The following ZNF608 variants were observed in gnomAD, a reference collection of about 807,000 sequenced individuals.
ZNF608 encodes the protein renal carcinoma antigen NY-REN-36.
A neutral mutation model predicts 109.0 loss-of-function variants in ZNF608; 12 were observed. That is an observed-to-expected ratio of 0.11 (90% CI 0.07 to 0.18). The LOEUF (loss-of-function observed/expected upper bound fraction) is 0.18. ZNF608 is among the 10% of genes least tolerant of loss of function. ZNF608 has a pLI of 1.00. For missense variants in ZNF608, 1,707 were observed against 1,879.3 expected (o/e 0.91, Z 1.70); for synonymous variants, 732 against 717.4 (o/e 1.02, Z -0.33).
At chr5:124,683,014 GTC>G (rs70991636) in intron 3 of ZNF608, among the ~76,000 whole-genome samples, 56,755 of 148,586 alleles carry the variant, frequency 0.38, 11,347 homozygotes, top group African/African-American at 0.53. Context: ...TGGGTGCTCT[GTC>G]TCTCTCTCTC....
chr5:124,720,905 T>C lies in ZNF608; in HGVS notation c.907-19636A>G, dbSNP rs544408883. Among the ~76,000 whole-genome samples, 12 of 140,344 alleles carry C rather than the reference T, an allele frequency of 8.6e-5. No individual in the cohort carries two copies. In the South Asian group the frequency reaches 2.7e-3, roughly 31 times the overall value. 92.1% of individuals were successfully genotyped at this position (140,344 alleles called of 152,430 possible). Reference sequence around the variant, plus strand: ...CTTTCCCAAGGTCACACCTAAGCTATATGTTATAATAAACGCTTCTCTCTT... The same window carrying C: ...CTTTCCCAAGGTCACACCTAAGCTACATGTTATAATAAACGCTTCTCTCTT... On this transcript the variant is annotated intron_variant, in intron 2 of 9. Transcript: ENST00000513986.
rs368937234 is a variant in ZNF608, at chr5:124,717,057, G to A, written c.907-15788C>T. ...AGATGACACCATTGCACTCCAGTCT[G>A]GGCGACAACAGCAAAACTCCATCTC... On this transcript the variant is annotated intron_variant, in intron 2 of 9. Coordinates refer to ENST00000513986, the MANE Select transcript of ZNF608 (RefSeq NM_020747.3). 2.6e-5 allele frequency among the ~76,000 whole-genome samples: 4 copies of A among 152,196 alleles called. No homozygotes were observed. In the East Asian group the frequency reaches 7.7e-4, roughly 29 times the overall value.
At chr5:124,668,217 T>A (rs1202825300) in intron 3 of ZNF608, among the ~76,000 whole-genome samples, 117 of 120,240 alleles carry the variant, frequency 9.7e-4, no homozygotes, top group Middle Eastern at 4.3e-3. Context: ...TATATATATA[T>A]TATATATATA....
chr5:124,658,057 G>A (rs1287053549), intron 3 of ZNF608, among the ~76,000 whole-genome samples: 4 of 151,758 alleles, frequency 2.6e-5, no homozygotes, highest in Non-Finnish European at 2.9e-5. Context: ...TGTGTAGACC[G>A]TTCCTCTAGT....
At chr5:124,730,549 G>T (rs998878523) in intron 2 of ZNF608, among the ~76,000 whole-genome samples, 1 of 152,220 alleles carries the variant, frequency 6.6e-6, no homozygotes, top group African/African-American at 2.4e-5. Context: ...TTTATAGCAG[G>T]CTTACGGATG....
At chr5:124,651,014 A>G (rs995929016) in intron 3 of ZNF608, among the ~76,000 whole-genome samples, 6 of 152,248 alleles carry the variant, frequency 3.9e-5, no homozygotes, top group African/African-American at 1.4e-4. Flanking sequence ...AGGAGATTTT[A>G]AAATTGTTTC....
chr5:124,705,086 G>A (rs4836110), intron 2 of ZNF608, among the ~76,000 whole-genome samples: 1 of 152,100 alleles, frequency 6.6e-6, no homozygotes, highest in Non-Finnish European at 1.5e-5. Context: ...ATATGTAAAG[G>A]AGGATTTTAA....
At chr5:124,708,289 A>G (rs1483723341) in intron 2 of ZNF608, among the ~76,000 whole-genome samples, 1 of 152,246 alleles carries the variant, frequency 6.6e-6, no homozygotes, top group Non-Finnish European at 1.5e-5. Flanking sequence ...AAAATTGTTA[A>G]GGGAAGTATT....
rs530640120 is a variant in ZNF608, at chr5:124,716,472, C to T, written c.907-15203G>A. Among the ~76,000 whole-genome samples, 16 of 152,126 alleles carry T rather than the reference C, an allele frequency of 1.1e-4. 1 individual carries two copies. In the South Asian group the frequency reaches 2.9e-3, roughly 28 times the overall value. Reference sequence around the variant, plus strand: ...CTATAGTGCTTATTTTAATTACAGCCCTAAAATATACTAGGAAAAAGTAGT... The same window carrying T: ...CTATAGTGCTTATTTTAATTACAGCTCTAAAATATACTAGGAAAAAGTAGT... On this transcript the variant is annotated intron_variant, in intron 2 of 9. Coordinates refer to ENST00000513986, the MANE Select transcript of ZNF608 (RefSeq NM_020747.3).
intron 3 of ZNF608, among the ~76,000 whole-genome samples, chr5:124,679,520 G>A (rs1752103938): frequency 6.6e-6 from 1 of 151,538 alleles, no homozygotes. Flanking sequence ...CTGGGCACCG[G>A]GGCTACATAC....
rs368113875 is a variant in ZNF608 at position 124,648,981 on chromosome 5, T to C, written c.1403A>G (p.Lys468Arg). 1.9e-6 allele frequency: 3 copies of C among 1,614,016 alleles called. No individual in the cohort carries two copies. The African/African-American group carries it at 4.0e-5, about 22-fold the overall frequency. The change falls in exon 5 of 10, where the codon AAA becomes AGA. Residue 468 changes from lysine (K) to arginine (R), a missense_variant. By Grantham distance (26) the Lys-to-Arg change is conservative. Transcript: ENST00000513986. ...QNKNRGGANG[K>R]GRRGSLNASG... ...GGCATTGAGGCTGCCCCGCCTCCCT[T>C]TCCCATTGGCCCCCCCTCTGTTCTT...
At chr5:124,664,097 G>A (rs1240038248) in intron 3 of ZNF608, among the ~76,000 whole-genome samples, 1 of 152,054 alleles carries the variant, frequency 6.6e-6, no homozygotes, top group African/African-American at 2.4e-5. Context: ...ATTTTGTAAA[G>A]CATTCAAAAC....
At chr5:124,683,107 A>G (rs1012050263) in intron 3 of ZNF608, among the ~76,000 whole-genome samples, 7 of 152,130 alleles carry the variant, frequency 4.6e-5, no homozygotes, top group Non-Finnish European at 1.0e-4. Context: ...AGAGGCCCAC[A>G]TGGCATAGCA....
intron 3 of ZNF608, among the ~76,000 whole-genome samples, chr5:124,668,196 ATATATATATATATATATATAT>A (rs1483044206): frequency 5.2e-4 from 2 of 3,840 alleles, no homozygotes; most frequent in African/African-American, 1.1e-3. Flanking sequence ...ATGCTTAAAA[ATATATATATATATATATATAT>A]TATATATATA....
intron 3 of ZNF608, among the ~76,000 whole-genome samples, chr5:124,657,285 G>A (rs375921309): frequency 2.0e-5 from 3 of 152,064 alleles, no homozygotes; most frequent in Non-Finnish European, 2.9e-5. Context: ...AGATGGTGAC[G>A]ATATTTTCAC....
chr5:124,668,396 G>C (rs1346738075), intron 3 of ZNF608, among the ~76,000 whole-genome samples: 2 of 144,312 alleles, frequency 1.4e-5, no homozygotes, highest in East Asian at 2.0e-4. Context: ...ACACCACACA[G>C]AAAAAAAAAA....
chr5:124,739,073 G>T (rs921264401), intron 2 of ZNF608, among the ~76,000 whole-genome samples: 2 of 152,126 alleles, frequency 1.3e-5, no homozygotes, highest in African/African-American at 4.8e-5. Context: ...CCACAACCAG[G>T]GGTCCCTTTC....
upstream of ZNF608, among the ~76,000 whole-genome samples, chr5:124,747,156 G>T (rs188866191): frequency 6.6e-6 from 1 of 151,460 alleles, no homozygotes; most frequent in African/African-American, 2.4e-5. Flanking sequence ...GTCAAAATAA[G>T]GTTTTTGTTT....
chr5:124,699,231 C>G (rs954755797), intron 3 of ZNF608, among the ~76,000 whole-genome samples: 1 of 152,120 alleles, frequency 6.6e-6, no homozygotes, highest in African/African-American at 2.4e-5. Flanking sequence ...CACCATTTCC[C>G]TTAGAGAAAA....
Sources: allele counts gnomAD v4.1 joint callset (sites outside exome capture counted in the v4.1 genomes callset), GRCh38; gene constraint gnomAD v4.1.1; transcripts MANE v1.5; gene names NCBI Gene and HGNC (gene_info 2026-07-23, HGNC 2026-07-21).